MCF2L: variants seen among roughly 807,000 people sequenced by gnomAD.
MCF2L encodes MCF.2 cell line derived transforming sequence like.
In MCF2L, 97 loss-of-function variants were observed where a neutral mutation model predicts 153.4. The observed-to-expected ratio is 0.63, with a 90% confidence interval of 0.54 to 0.75. The LOEUF (loss-of-function observed/expected upper bound fraction) is 0.75. Among genes scored for constraint, MCF2L ranks in the 30% least tolerant of loss-of-function variants. The pLI, the probability that MCF2L is intolerant of heterozygous loss-of-function variation, is 0.00. For synonymous variants in MCF2L, 659 were observed against 632.2 expected (o/e 1.04, Z -0.64); for missense variants, 1,347 against 1,495.2 (o/e 0.90, Z 1.64).
chr13:113,083,043 G>C (rs1440778957), intron 17 of MCF2L, among the ~76,000 whole-genome samples: 1 of 152,156 alleles, frequency 6.6e-6, no homozygotes, highest in Non-Finnish European at 1.5e-5. Context: ...CGAGCGACCC[G>C]TGGCCTCTCC....
intron 2 of MCF2L, among the ~76,000 whole-genome samples, chr13:113,017,026 G>A (rs1195095781): frequency 1.3e-5 from 2 of 152,240 alleles, no homozygotes; most frequent in Non-Finnish European, 2.9e-5. Context: ...GATCCAGGTC[G>A]TAGCAGCAGT....
Position 113,086,239 on chromosome 13 carries a change from C to A in MCF2L, c.2363C>A (p.Thr788Asn), listed in dbSNP as rs1053530583. ...GACTCCATGCACCTCATCGCTATCACCGGCTATGACGTAAGGCGCCCAGAT... is the reference window on the plus strand; with the variant it reads ...GACTCCATGCACCTCATCGCTATCAACGGCTATGACGTAAGGCGCCCAGAT... ...VNDSMHLIAI[T>N]GYDGNLGDLG... Residue 788 changes from threonine (T) to asparagine (N), a missense_variant, in exon 21 of 30, where the codon ACC (threonine) becomes AAC (asparagine). Coordinates refer to ENST00000535094, the MANE Select transcript of MCF2L (RefSeq NM_001112732.3). 1.1e-5 allele frequency: 17 copies of A among 1,609,820 alleles called. No individual in the cohort carries two copies. Among genetic ancestry groups the A allele is most frequent in the Non-Finnish European group, 1.4e-5 (17 of 1,178,370 alleles).
Position 112,907,201 on chromosome 13 carries a change from C to A in MCF2L, c.169+4830C>A, listed in dbSNP as rs2081181645. The stretch of plus-strand genomic sequence containing the variant: ...GGTTGGGAAGCACTTCGGGAAGGAC[C>A]AAGACTTGCCCCAGCCTTGAGAAGT... On this transcript the variant is annotated intron_variant, in intron 2 of 29. Coordinates refer to the MCF2L transcript ENST00000375608. The surrounding 1 kb of genome is among the most constrained non-coding windows in gnomAD (Gnocchi z 5.1). Among the ~76,000 whole-genome samples the A allele has an allele frequency of 6.6e-6, 1 of 152,148 alleles. No individual in the cohort carries two copies. Among genetic ancestry groups the A allele is most frequent in the African/African-American group, 2.4e-5 (1 of 41,432 alleles).
chr13:112,949,730 GA>G (rs746998812), intron 2 of MCF2L, among the ~76,000 whole-genome samples: 8 of 150,010 alleles, frequency 5.3e-5, no homozygotes, highest in Admixed American at 1.3e-4. Flanking sequence ...GATAGGAGTA[GA>G]GGGGGGGACC....
intron 7 of MCF2L, 35 bp from the exon 8 acceptor site, chr13:113,066,011 C>CG (rs756978284): frequency 6.2e-7 from 1 of 1,603,026 alleles, no homozygotes; most frequent in Non-Finnish European, 8.5e-7. Context: ...TGTGCCTGGA[C>CG]GGGGCCGGGA....
At position 113,071,849 on chromosome 13, in the gene MCF2L, C is replaced by A. The variant is rs535995379; in HGVS notation, c.996+1676C>A. Among the ~76,000 whole-genome samples the A allele has an allele frequency of 9.8e-5, 15 of 152,338 alleles. No individual in the cohort carries two copies. In the East Asian group the frequency reaches 2.5e-3, roughly 25 times the overall value. Reference sequence around the variant, plus strand: ...TTCAAAATTGTGTTAGCTTCTAGTTCTTTTGCCTTTTCATGGCAATTTTAA... The same window carrying A: ...TTCAAAATTGTGTTAGCTTCTAGTTATTTTGCCTTTTCATGGCAATTTTAA... On this transcript the variant is annotated intron_variant, in intron 9 of 29. Coordinates refer to ENST00000535094, the MANE Select transcript of MCF2L (RefSeq NM_001112732.3).
At chr13:112,991,186 A>G (rs2082881841) in intron 1 of MCF2L, among the ~76,000 whole-genome samples, 1 of 152,172 alleles carries the variant, frequency 6.6e-6, no homozygotes, top group African/African-American at 2.4e-5. Flanking sequence ...GCTTTCTGCG[A>G]AATCCGGCCG....
chr13:112,896,071 G>A (rs893692253), intron 1 of MCF2L, among the ~76,000 whole-genome samples: 2 of 152,224 alleles, frequency 1.3e-5, no homozygotes, highest in Non-Finnish European at 2.9e-5. Flanking sequence ...GGTGGGCTTA[G>A]GAACCTGCAG....
intron 4 of MCF2L, among the ~76,000 whole-genome samples, chr13:113,056,463 TGTGTTTGGGTGCTGA>T (rs1336134016): frequency 4.9e-5 from 6 of 123,534 alleles, no homozygotes; most frequent in Non-Finnish European, 6.7e-5. Flanking sequence ...GTGGGTGCTG[TGTGTTTGGGTGCTGA>T]GTGTTTGGGT....
chr13:113,007,507 T>TTACA (rs2083785442), intron 1 of MCF2L, among the ~76,000 whole-genome samples: 1 of 152,218 alleles, frequency 6.6e-6, no homozygotes, highest in East Asian at 1.9e-4. Context: ...TGCCAGAAGA[T>TTACA]CAAATTGCAA....
At position 113,028,859 on chromosome 13, in the gene MCF2L, G is replaced by T. The variant is rs996575676; in HGVS notation, c.278+4101G>T. ...GGGGTGAGTGTGTGGTGTGTGTGGC[G>T]TGTGCGGGGTGTGTGTGGGGTATGT... On this transcript the variant is annotated intron_variant, in intron 3 of 29. Transcript: ENST00000535094. This position sits in a 1 kb window ranked among gnomAD's most constrained non-coding sequence, Gnocchi z 5.4. Among the ~76,000 whole-genome samples, 7 of 151,230 alleles carry T rather than the reference G, an allele frequency of 4.6e-5. No individual in the cohort carries two copies. The highest frequency in any genetic ancestry group is 7.4e-5 in the Non-Finnish European group (5 of 67,790).
chr13:113,078,498 G>C, intron 14 of MCF2L, 62 bp downstream of exon 14: 1 of 1,488,938 alleles, frequency 6.7e-7, no homozygotes, highest in South Asian at 1.2e-5. Flanking sequence ...CGCTGGGCCT[G>C]GTTCTCCGTG....
At chr13:112,910,559 AT>A (rs1010827428) in intron 2 of MCF2L, 1 of 152,258 alleles carries the variant, frequency 6.6e-6, no homozygotes, top group Admixed American at 6.5e-5. Flanking sequence ...TAAACACCAA[AT>A]ATGTGCAGTT....
intron 3 of MCF2L, among the ~76,000 whole-genome samples, chr13:113,029,401 C>T (rs564917863): frequency 1.1e-4 from 17 of 152,324 alleles, no homozygotes; most frequent in African/African-American, 3.1e-4. Flanking sequence ...AGGGCATCTA[C>T]GGGATGCCTT....
At chr13:113,077,269 G>T in intron 13 of MCF2L, 58 bp downstream of exon 13, 1 of 1,447,592 alleles carries the variant, frequency 6.9e-7, no homozygotes, top group South Asian at 1.5e-5. Context: ...AGCCCCGGGC[G>T]TTGAGAGCTT....
At position 112,951,126 on chromosome 13, in the gene MCF2L, T is replaced by G. The variant is rs2081688497; in HGVS notation, c.169+48755T>G. 6.6e-6 allele frequency among the ~76,000 whole-genome samples: 1 copy of G among 152,170 alleles called. No individual in the cohort carries two copies. The highest frequency in any genetic ancestry group is 2.4e-5 in the African/African-American group (1 of 41,432). ...CACACGGAAAGGTGTCAGTCAATAG[T>G]AGCCAGTGGAGAAGTGCAAGACCTG... On this transcript the variant is annotated intron_variant, in intron 2 of 29. Coordinates refer to the MCF2L transcript ENST00000375608. This position sits in a 1 kb window ranked among gnomAD's most constrained non-coding sequence, Gnocchi z 4.8.
At chr13:113,091,327 C>A (rs1430627917) in intron 26 of MCF2L, 4 of 706,238 alleles carry the variant, frequency 5.7e-6, no homozygotes, top group Non-Finnish European at 8.4e-6. Context: ...GAGGCAGACA[C>A]GCGGTTGTGT....
intron 1 of MCF2L, chr13:112,894,495 C>G (rs1401309320): frequency 1.3e-5 from 2 of 151,600 alleles, no homozygotes; most frequent in Admixed American, 1.3e-4. Flanking sequence ...GGGGCGGAGC[C>G]GGGCAGGAAG....
intron 5 of MCF2L, among the ~76,000 whole-genome samples, chr13:113,061,594 G>A (rs533774126): frequency 1.4e-4 from 20 of 139,662 alleles, no homozygotes; most frequent in Non-Finnish European, 2.3e-4. Context: ...CCCCACCCTC[G>A]TTGCGCTACA....
Sources: gnomAD v4.1 joint callset for allele counts (sites outside exome capture counted in the v4.1 genomes callset) on GRCh38, gnomAD v4.1.1 for gene constraint, Gnocchi (gnomAD v3.1) non-coding constraint, MANE v1.5 for transcripts, NCBI Gene and HGNC (gene_info 2026-07-23, HGNC 2026-07-21) for gene names.